MYO5A: variants seen among roughly 807,000 people sequenced by gnomAD.
MYO5A encodes the protein unconventional myosin-Va.
Under a neutral mutation model 249.7 loss-of-function variants are expected in MYO5A, and 98 were observed. The ratio of observed to expected loss-of-function variants is 0.39; its 90% CI spans 0.33 to 0.46. The LOEUF is 0.46. Ranked by LOEUF, MYO5A falls within the 20% of genes least tolerant of loss-of-function variation. MYO5A has a pLI of 0.98. For missense variants in MYO5A, 1,696 were observed against 2,308.8 expected, an observed-to-expected ratio of 0.73 and a Z score of 5.44; for synonymous variants, 778 against 810.6, an observed-to-expected ratio of 0.96 and a Z score of 0.68.
chr15:52,475,774 C>T (rs2076578653), intron 1 of MYO5A, among the ~76,000 whole-genome samples: 2 of 152,266 alleles, frequency 1.3e-5, no homozygotes, highest in Middle Eastern at 3.4e-3. Flanking sequence ...AATTTCTATT[C>T]TTTTACATTT....
At chr15:52,488,945 G>T (rs2076879782) in intron 1 of MYO5A, among the ~76,000 whole-genome samples, 1 of 152,184 alleles carries the variant, frequency 6.6e-6, no homozygotes, top group South Asian at 2.1e-4. Flanking sequence ...ATGGGAGGAG[G>T]CATTATAGCA....
chr15:52,407,533 C>A, intron 7 of MYO5A, 134 bp from the exon 8 acceptor site: 2 of 464,102 alleles, frequency 4.3e-6, no homozygotes, highest in Non-Finnish European at 7.7e-6. Context: ...CCTGTGTTTT[C>A]AATTGTATTT....
intron 9 of MYO5A, among the ~76,000 whole-genome samples, chr15:52,403,899 C>G (rs530365586): frequency 4.6e-5 from 7 of 152,174 alleles, no homozygotes; most frequent in African/African-American, 1.7e-4. Flanking sequence ...TAAAGAAAAT[C>G]GTAAGGATCA....
At chr15:52,360,827 G>A (rs926028704) in intron 24 of MYO5A, among the ~76,000 whole-genome samples, 4 of 152,120 alleles carry the variant, frequency 2.6e-5, no homozygotes, top group Non-Finnish European at 5.9e-5. Flanking sequence ...TAACTTGAGG[G>A]AAGAAGGAAT....
In MYO5A at chr15:52,353,872, T is replaced by C; in HGVS notation, c.3566A>G (p.Lys1189Arg). ...CTGCGGATGGGCTGTGCTGCGCACC[T>C]TGGCCTTGCTGCGGAGCACCTGCTC... is the stretch of plus-strand genomic sequence containing the variant. ...KEEQVLRSKA[K>R]EEERPQIRGA... Residue 1189 changes from lysine (K) to arginine (R), a missense_variant and splice_region_variant, in exon 26 of 42, where the codon AAG becomes AGG. This residue lies in a region of MYO5A where 625 missense variants were observed against 908.1 expected (regional missense o/e 0.69). Transcript: ENST00000399233. 6.2e-7 allele frequency: 1 copy of C among 1,613,902 alleles called. No individual in the cohort carries two copies. Among genetic ancestry groups the C allele is most frequent in the Non-Finnish European group, 8.5e-7 (1 of 1,180,036 alleles).
chr15:52,383,049 TA>T, intron 16 of MYO5A, 41 bp downstream of exon 16: 2 of 1,502,414 alleles, frequency 1.3e-6, no homozygotes, highest in Non-Finnish European at 1.9e-6. Context: ...GCACTTCTTA[TA>T]AGATATGTAC....
intron 1 of MYO5A, among the ~76,000 whole-genome samples, chr15:52,504,318 C>T (rs1004310867): frequency 1.3e-5 from 2 of 152,076 alleles, no homozygotes; most frequent in Non-Finnish European, 2.9e-5. Flanking sequence ...GGGAAGATAA[C>T]ACTTTAAAAT....
rs547576925 is a variant in MYO5A at position 52,401,301 on chromosome 15, C to A, written c.1054-3835G>T. 3.3e-4 allele frequency among the ~76,000 whole-genome samples: 51 copies of A among 152,262 alleles called. 1 individual carries two copies. Among genetic ancestry groups the A allele is most frequent in the South Asian group, 3.3e-3 (16 of 4,816 alleles). ...GCCAGGCTAGTCTCAAACTCTTAGC[C>A]TCAGGTGATCCACCCGCCTCAGCCT... On this transcript the variant is annotated intron_variant, in intron 9 of 41. Transcript: ENST00000399233.
intron 1 of MYO5A, among the ~76,000 whole-genome samples, chr15:52,504,985 T>C (rs1358080527): frequency 6.6e-6 from 1 of 152,140 alleles, no homozygotes; most frequent in Non-Finnish European, 1.5e-5. Flanking sequence ...ATCTCGGGGC[T>C]ATTCTGGCAG....
chr15:52,403,832 AAT>A (rs1380449575), intron 9 of MYO5A, among the ~76,000 whole-genome samples: 1 of 152,188 alleles, frequency 6.6e-6, no homozygotes, highest in Non-Finnish European at 1.5e-5. Flanking sequence ...GGGGAGGAGG[AAT>A]CATGCATCTA....
intron 1 of MYO5A, among the ~76,000 whole-genome samples, chr15:52,458,338 G>A (rs2076162432): frequency 6.6e-6 from 1 of 152,182 alleles, no homozygotes. Context: ...CACTTTGAAA[G>A]GCCGAGGCAA....
At position 52,351,471 on chromosome 15, in the gene MYO5A, A is replaced by C. The variant is rs541686219; in HGVS notation, c.3632T>G (p.Leu1211Arg). 6.2e-7 allele frequency: 1 copy of C among 1,614,010 alleles called. No individual in the cohort carries two copies. Among genetic ancestry groups the C allele is most frequent in the South Asian group, 1.1e-5 (1 of 91,072 alleles). The change falls in exon 28 of 42, where the codon CTA (leucine) becomes CGA (arginine). Residue 1211 changes from leucine to arginine, a missense_variant. Physicochemically the swap from Leu to Arg is moderately radical, Grantham distance 102. Transcript: ENST00000399233. ...CTTCAGTTTTTTGTTTTCTGATTCT[A>C]GTTCTTGACGCTGTATGAAAAGACA... The part of the protein sequence containing the change: ...LEYESLKRQE[L>R]ESENKKLKNE...
chr15:52,364,726 A>G (rs755787396), intron 23 of MYO5A, 24 bp from the exon 24 acceptor site: 2 of 1,612,180 alleles, frequency 1.2e-6, no homozygotes, highest in South Asian at 1.1e-5. Flanking sequence ...AAGGATATGC[A>G]TACTAAAGAT....
intron 29 of MYO5A, among the ~76,000 whole-genome samples, chr15:52,348,134 T>C (rs1208424562): frequency 6.6e-6 from 1 of 152,210 alleles, no homozygotes; most frequent in Non-Finnish European, 1.5e-5. Context: ...CTGACTACCT[T>C]AGCTAAAAAG....
At chr15:52,322,765 C>CT (rs532700706) in intron 37 of MYO5A, among the ~76,000 whole-genome samples, 5,245 of 144,484 alleles carry the variant, frequency 0.036, 270 homozygotes, top group African/African-American at 0.12. Flanking sequence ...TTTGATCACC[C>CT]TTTTTTTTTT....
chr15:52,382,005 T>G (rs1596378896), intron 16 of MYO5A, among the ~76,000 whole-genome samples: 1 of 151,960 alleles, frequency 6.6e-6, no homozygotes, highest in African/African-American at 2.4e-5. Flanking sequence ...CAGGTTCAAG[T>G]GATTCTCCTG....
At chr15:52,371,156 C>A (rs1431128454) in intron 21 of MYO5A, among the ~76,000 whole-genome samples, 2 of 151,722 alleles carry the variant, frequency 1.3e-5, no homozygotes, top group African/African-American at 4.8e-5. Flanking sequence ...TACACACACA[C>A]ACGTTTCTCA....
At chr15:52,427,694 G>T (rs2075426420) in intron 3 of MYO5A, among the ~76,000 whole-genome samples, 1 of 152,110 alleles carries the variant, frequency 6.6e-6, no homozygotes, top group Non-Finnish European at 1.5e-5. Flanking sequence ...CCACACGAAT[G>T]AATGGAAATC....
At chr15:52,399,017 A>C (rs1306658215) in intron 9 of MYO5A, among the ~76,000 whole-genome samples, 1 of 147,022 alleles carries the variant, frequency 6.8e-6, no homozygotes, top group Non-Finnish European at 1.5e-5. Context: ...CTTAAAATTA[A>C]AAAAAAAAAA....
Sources: allele counts gnomAD v4.1 joint callset (sites outside exome capture counted in the v4.1 genomes callset), GRCh38; gene constraint gnomAD v4.1.1; regional missense constraint gnomAD v4.1.1; transcripts MANE v1.5; gene names NCBI Gene and HGNC (gene_info 2026-07-23, HGNC 2026-07-21).